DLGAP1: variants seen among roughly 807,000 people sequenced by gnomAD.
DLGAP1 encodes disks large-associated protein 1.
A neutral mutation model predicts 90.8 loss-of-function variants in DLGAP1; 11 were observed. The observed-to-expected ratio is 0.12, with a 90% CI of 0.08 to 0.20. DLGAP1 has a LOEUF of 0.20. DLGAP1 is among the 10% of genes least tolerant of loss of function. The pLI is 1.00. For missense variants in DLGAP1, 1,050 were observed against 1,333.8 expected (o/e 0.79, Z 3.31); for synonymous variants, 558 against 540.7 (o/e 1.03, Z -0.44).
At chr18:4,186,416 A>C (rs7505253) in intron 1 of DLGAP1, among the ~76,000 whole-genome samples, 69,978 of 152,066 alleles carry the variant, frequency 0.46, 18,024 homozygotes, top group East Asian at 0.71. Flanking sequence ...TGGCTTTTAC[A>C]TTTAAGTCTT....
intron 2 of DLGAP1, among the ~76,000 whole-genome samples, chr18:4,090,856 C>T (rs1415076148): frequency 3.9e-5 from 6 of 152,072 alleles, no homozygotes; most frequent in African/African-American, 7.2e-5. Context: ...TGTCCATCAA[C>T]GATAGACCGG....
chr18:4,237,448 A>T (rs2078442135), intron 1 of DLGAP1, among the ~76,000 whole-genome samples: 1 of 152,004 alleles, frequency 6.6e-6, no homozygotes, highest in Non-Finnish European at 1.5e-5. Flanking sequence ...GACAGAAAAA[A>T]CGGTCAGGGT....
intron 2 of DLGAP1, among the ~76,000 whole-genome samples, chr18:4,053,238 G>A (rs2075161804): frequency 6.6e-6 from 1 of 152,104 alleles, no homozygotes; most frequent in African/African-American, 2.4e-5. Flanking sequence ...AGTTTAGCAT[G>A]GCTGGTGAGG....
intron 1 of DLGAP1, among the ~76,000 whole-genome samples, chr18:4,239,854 T>G (rs746081916): frequency 1.1e-4 from 16 of 152,218 alleles, no homozygotes; most frequent in Non-Finnish European, 1.9e-4. Context: ...TTGGTCCAAC[T>G]TCAAGAGTAT....
intron 5 of DLGAP1, among the ~76,000 whole-genome samples, chr18:3,748,966 C>T (rs1043709855): frequency 2.0e-5 from 3 of 152,088 alleles, no homozygotes; most frequent in African/African-American, 4.8e-5. Flanking sequence ...TAATACCTGA[C>T]ATTTGTTACC....
intron 7 of DLGAP1, among the ~76,000 whole-genome samples, chr18:3,707,045 G>A (rs2061455860): frequency 6.6e-6 from 1 of 152,156 alleles, no homozygotes; most frequent in South Asian, 2.1e-4. Flanking sequence ...TGGGTTACAT[G>A]GAGAATATAA....
chr18:3,637,336 C>G (rs2058753749), intron 7 of DLGAP1, among the ~76,000 whole-genome samples: 1 of 152,032 alleles, frequency 6.6e-6, no homozygotes, highest in Admixed American at 6.6e-5. Context: ...ATCTGAGGCT[C>G]TCCTCTTGTT....
Position 4,142,990 on chromosome 18 carries a change from C to T in DLGAP1, c.-159+8190G>A, listed in dbSNP as rs2076520672. The stretch of plus-strand genomic sequence containing the variant: ...AAACAGAGTCTTTCTCTGTGCTGAG[C>T]TGCCTGGAGCTGGGAGAGAGGTGAC... On this transcript the variant is annotated intron_variant, in intron 2 of 12. Coordinates refer to ENST00000315677, the MANE Select transcript of DLGAP1 (RefSeq NM_004746.4). Among the ~76,000 whole-genome samples the T allele has an allele frequency of 2.0e-5, 3 of 152,304 alleles. No homozygotes were observed. The South Asian group carries it at 6.2e-4, about 32-fold the overall frequency.
intron 7 of DLGAP1, among the ~76,000 whole-genome samples, chr18:3,716,457 G>A (rs1171251295): frequency 6.6e-6 from 1 of 152,194 alleles, no homozygotes; most frequent in African/African-American, 2.4e-5. Context: ...GATTGCCTGA[G>A]CCCAGGAGGC....
chr18:4,209,279 C>G (rs1428009123), intron 1 of DLGAP1, among the ~76,000 whole-genome samples: 1 of 152,084 alleles, frequency 6.6e-6, no homozygotes, highest in Non-Finnish European at 1.5e-5. Flanking sequence ...GAACTGGAGC[C>G]ATGCAAAGAG....
intron 12 of DLGAP1, among the ~76,000 whole-genome samples, chr18:3,501,895 G>A (rs1175804203): frequency 6.8e-6 from 1 of 146,620 alleles, no homozygotes; most frequent in Non-Finnish European, 1.5e-5. Context: ...GATGCATGAG[G>A]ACCCCAGTGA....
rs193025532 is a variant in DLGAP1, at chr18:4,320,898, G to A, written c.-267+134108C>T. On this transcript the variant is annotated intron_variant, in intron 1 of 12. Coordinates refer to ENST00000315677, the MANE Select transcript of DLGAP1 (RefSeq NM_004746.4). ...ATTGTGTATTGTGGAATTTAATAAAGCCTTTCTGGGCACTGATATTAAAAT... is the reference window on the plus strand; with the variant it reads ...ATTGTGTATTGTGGAATTTAATAAAACCTTTCTGGGCACTGATATTAAAAT... Among the ~76,000 whole-genome samples the A allele has an allele frequency of 3.3e-5, 5 of 152,236 alleles. No individual in the cohort carries two copies. In the East Asian group the frequency reaches 9.7e-4, roughly 29 times the overall value.
intron 1 of DLGAP1, among the ~76,000 whole-genome samples, chr18:4,171,688 T>C (rs1379816865): frequency 6.6e-6 from 1 of 152,162 alleles, no homozygotes; most frequent in African/African-American, 2.4e-5. Context: ...CTAAAATAAA[T>C]TTTATTATAG....
intron 3 of DLGAP1, among the ~76,000 whole-genome samples, chr18:3,981,523 A>C (rs559294667): frequency 6.6e-6 from 1 of 152,362 alleles, no homozygotes; most frequent in African/African-American, 2.4e-5. Flanking sequence ...GGGAAGGAAG[A>C]GCAGAGTTTC....
intron 1 of DLGAP1, among the ~76,000 whole-genome samples, chr18:4,212,283 T>C (rs1050530911): frequency 2.6e-5 from 4 of 152,144 alleles, no homozygotes; most frequent in East Asian, 1.9e-4. Context: ...CAGAGCTATC[T>C]AGTCCTTAAA....
At chr18:3,649,953 C>T (rs961210288) in intron 7 of DLGAP1, among the ~76,000 whole-genome samples, 4 of 152,190 alleles carry the variant, frequency 2.6e-5, no homozygotes, top group Non-Finnish European at 4.4e-5. Context: ...TTCTGGGTCA[C>T]GTGGCTCCAC....
chr18:3,873,053 AG>A (rs1568268001), intron 4 of DLGAP1, among the ~76,000 whole-genome samples: 1 of 152,164 alleles, frequency 6.6e-6, no homozygotes, highest in Non-Finnish European at 1.5e-5. Context: ...AGAATAATAA[AG>A]TTTCTTTAAT....
chr18:3,855,896 C>T (rs562434580), intron 4 of DLGAP1, among the ~76,000 whole-genome samples: 1 of 152,316 alleles, frequency 6.6e-6, no homozygotes, highest in South Asian at 2.1e-4. Flanking sequence ...CAGGCGTGAG[C>T]CACCACGCCT....
At position 3,640,804 on chromosome 18, in the gene DLGAP1, T is replaced by C. The variant is rs1223256817; in HGVS notation, c.1592-58556A>G. ...CCTTTCTCCGCCAATATGACTACTG[T>C]TACTATTACAAGTACTATCACCATT... On this transcript the variant is annotated intron_variant, in intron 7 of 12. Transcript: ENST00000315677. Among the ~76,000 whole-genome samples the C allele has an allele frequency of 1.3e-5, 2 of 152,262 alleles. 1 individual carries two copies. The highest frequency in any genetic ancestry group is 2.9e-5 in the Non-Finnish European group (2 of 68,040).
Sources: gnomAD v4.1 joint callset for allele counts (sites outside exome capture counted in the v4.1 genomes callset) on GRCh38, gnomAD v4.1.1 for gene constraint, MANE v1.5 for transcripts, NCBI Gene and HGNC (gene_info 2026-07-23, HGNC 2026-07-21) for gene names.